Variants in RAB18 observed in about 807,000 individuals in gnomAD.
RAB18 encodes ras-related protein Rab-18.
A neutral mutation model predicts 28.5 loss-of-function variants in RAB18; 10 were observed. The ratio of observed to expected loss-of-function variants is 0.35; its 90% CI spans 0.22 to 0.60. RAB18 has a LOEUF of 0.60. RAB18 is among the 20% of genes least tolerant of loss of function. The pLI, the probability that RAB18 is intolerant of heterozygous loss-of-function variation, is 0.78. For missense variants in RAB18, 188 were observed against 244.2 expected (o/e 0.77, Z 1.53); for synonymous variants, 93 against 86.9 (o/e 1.07, Z -0.39).
At position 27,541,929 on chromosome 10, in the gene RAB18, T is replaced by C. The variant is rs560823401; in HGVS notation, c.*3878T>C. 1 of 452,224 alleles carries C rather than the reference T, an allele frequency of 2.2e-6. No homozygotes were observed. Among genetic ancestry groups the C allele is most frequent in the Admixed American group, 2.4e-5 (1 of 42,366 alleles). 28.0% of individuals were successfully genotyped at this position (452,224 alleles called of 1,614,324 possible). A position where few individuals can be genotyped will look rare whatever the true frequency, so the allele number is the denominator to read the frequency against. On this transcript the variant is annotated 3_prime_UTR_variant, in exon 7 of 7. Coordinates refer to ENST00000356940, the MANE Select transcript of RAB18 (RefSeq NM_021252.5). ...CAGTTACCTTTTAGCAGTGCCCCAC[T>C]TCCCCAGTAGCAATGGTTCAGGGGT...
chr10:27,523,265 C>CTTT (rs34006982), intron 2 of RAB18, among the ~76,000 whole-genome samples: 185 of 79,430 alleles, frequency 2.3e-3, no homozygotes, highest in East Asian at 6.0e-3. Context: ...TTTTCTTCTT[C>CTTT]TTTTTTTTTT....
rs74127330 is a variant in RAB18, at chr10:27,520,183, A to G, written c.125-6645A>G. 8.7e-3 allele frequency among the ~76,000 whole-genome samples: 1,330 copies of G among 152,238 alleles called. 13 individuals are homozygous for G. Among genetic ancestry groups the G allele is most frequent in the African/African-American group, 0.03 (1,231 of 41,554 alleles). ...CTTCTTACTAGTTATGGGTCTATTC[A>G]AGTTTTCTATTCATGAGTAAATTTT... On this transcript the variant is annotated intron_variant, in intron 2 of 6. Transcript: ENST00000356940.
At chr10:27,505,223 G>A (rs1027400820) in intron 1 of RAB18, 4 of 495,288 alleles carry the variant, frequency 8.1e-6, no homozygotes, top group Non-Finnish European at 1.6e-5. Context: ...TGTTGCTAGA[G>A]GGCTGTGATT....
intron 3 of RAB18, 98 bp downstream of exon 3, chr10:27,526,987 A>G: frequency 8.0e-7 from 1 of 1,254,888 alleles, no homozygotes; most frequent in Non-Finnish European, 1.2e-6. Context: ...TGAATGAACA[A>G]TTTGTATTAA....
At chr10:27,504,708 C>T (rs771313957) in intron 1 of RAB18, 62 of 687,038 alleles carry the variant, frequency 9.0e-5, no homozygotes, top group Non-Finnish European at 1.6e-4. Context: ...TTCCGAGGGC[C>T]GCCGCTCGGC....
At chr10:27,509,628 G>A (rs1178667377) in intron 1 of RAB18, among the ~76,000 whole-genome samples, 1 of 152,140 alleles carries the variant, frequency 6.6e-6, no homozygotes, top group African/African-American at 2.4e-5. Context: ...GTACTTGGGG[G>A]ATTGTGTAGG....
chr10:27,535,828 T>C (rs1003952883), intron 6 of RAB18, among the ~76,000 whole-genome samples: 95 of 152,286 alleles, frequency 6.2e-4, no homozygotes, highest in Middle Eastern at 6.8e-3. Context: ...GGCTCACGCC[T>C]GTAATCTCAG....
chr10:27,520,805 T>C (rs2132387347), intron 2 of RAB18, among the ~76,000 whole-genome samples: 1 of 145,586 alleles, frequency 6.9e-6, no homozygotes, highest in East Asian at 2.0e-4. Context: ...TAATCCCAGC[T>C]ACTAGGGAGG....
intron 2 of RAB18, among the ~76,000 whole-genome samples, chr10:27,521,132 A>G (rs964783402): frequency 6.6e-5 from 10 of 151,742 alleles, no homozygotes; most frequent in African/African-American, 2.4e-4. Flanking sequence ...TTCTAGGTTT[A>G]TTCCATTGTA....
rs958190725 is a variant in RAB18, at chr10:27,538,928, A to G, written c.*877A>G. 17 of 453,448 alleles carry G rather than the reference A, an allele frequency of 3.7e-5. No individual in the cohort carries two copies. The highest frequency in any genetic ancestry group is 1.9e-4 in the Admixed American group (8 of 42,526). 28.1% of individuals were successfully genotyped at this position (453,448 alleles called of 1,614,324 possible). On this transcript the variant is annotated 3_prime_UTR_variant, in exon 7 of 7. Coordinates refer to ENST00000356940, the MANE Select transcript of RAB18 (RefSeq NM_021252.5). ...TGTAGCTTGTGTAATGTTGATGAAT[A>G]TCTGTATCTTACGGCTTCCATAATG... is the stretch of plus-strand genomic sequence containing the variant.
chr10:27,531,854 G>C (rs963981606), intron 3 of RAB18, among the ~76,000 whole-genome samples: 6 of 151,508 alleles, frequency 4.0e-5, no homozygotes, highest in South Asian at 2.1e-4. Context: ...TCAGCACAAT[G>C]GTTAAACTGG....
At chr10:27,527,139 AATC>A (rs2132398394) in intron 3 of RAB18, 2 of 582,938 alleles carry the variant, frequency 3.4e-6, no homozygotes, top group South Asian at 2.9e-5. Context: ...AATATTAAAA[AATC>A]ATCTCATCTG....
At chr10:27,510,377 C>G (rs920308077) in intron 2 of RAB18, 1 of 213,822 alleles carries the variant, frequency 4.7e-6, no homozygotes, top group Admixed American at 5.3e-5. Flanking sequence ...CAGTGTTTGA[C>G]GTGTATTCTT....
intron 2 of RAB18, among the ~76,000 whole-genome samples, chr10:27,512,929 C>G (rs1834351041): frequency 6.6e-6 from 1 of 151,422 alleles, no homozygotes; most frequent in Admixed American, 6.6e-5. Context: ...GTAATTTGTT[C>G]CCCAAATAGG....
intron 1 of RAB18, chr10:27,504,720 G>A (rs1212209624): frequency 1.5e-6 from 1 of 667,658 alleles, no homozygotes; most frequent in African/African-American, 1.8e-5. Context: ...CCGCTCGGCC[G>A]GCAGGTTTGC....
At chr10:27,518,080 G>A (rs1318254721) in intron 2 of RAB18, among the ~76,000 whole-genome samples, 1 of 151,806 alleles carries the variant, frequency 6.6e-6, no homozygotes, top group Non-Finnish European at 1.5e-5. Context: ...TTTTATTGCT[G>A]AGCTATATTC....
rs5784015 is a variant in RAB18 at position 27,533,554 on chromosome 10, TA to T, written c.260-171del. On this transcript the variant is annotated intron_variant, in intron 4 of 6. Coordinates refer to ENST00000356940, the MANE Select transcript of RAB18 (RefSeq NM_021252.5). ...TAATAGGATTGAAATGTGTATGCTT[TA>T]AAAAAAAAACACTTGTTTCTTCCAT... 0.13 allele frequency among the ~76,000 whole-genome samples: 19,132 copies of T among 148,534 alleles called. 1,281 individuals carry two copies. The highest frequency in any genetic ancestry group is 0.2 in the Middle Eastern group (57 of 288).
intron 2 of RAB18, among the ~76,000 whole-genome samples, chr10:27,523,611 CT>C (rs775018935): frequency 0.031 from 4,055 of 131,256 alleles, 114 homozygotes; most frequent in African/African-American, 0.11. Flanking sequence ...CCATTTTTAC[CT>C]TTTTTTTTTT....
At chr10:27,511,829 G>A (rs1834329039) in intron 2 of RAB18, among the ~76,000 whole-genome samples, 1 of 152,214 alleles carries the variant, frequency 6.6e-6, no homozygotes, top group African/African-American at 2.4e-5. Flanking sequence ...ATTCTTGCCT[G>A]TGACAAGTGA....
Sources: allele counts gnomAD v4.1 joint callset (sites outside exome capture counted in the v4.1 genomes callset), GRCh38; gene constraint gnomAD v4.1.1; transcripts MANE v1.5; gene names NCBI Gene and HGNC (gene_info 2026-07-23, HGNC 2026-07-21).